The following ADGRL3 variants were observed in gnomAD, a reference collection of about 807,000 sequenced individuals.
The protein encoded by ADGRL3 is adhesion G protein-coupled receptor L3.
A neutral mutation model predicts 153.5 loss-of-function variants in ADGRL3; 62 were observed. The observed-to-expected ratio is 0.40, with a 90% CI of 0.33 to 0.50. The LOEUF is 0.50. Among genes scored for constraint, ADGRL3 ranks in the 20% least tolerant of loss-of-function variants. ADGRL3 has a pLI of 0.47. For synonymous variants in ADGRL3, 710 were observed against 672.5 expected (o/e 1.06, Z -0.86); for missense variants, 1,641 against 1,859.4 (o/e 0.88, Z 2.16).
chr4:61,587,236 G>A lies in ADGRL3; in HGVS notation c.269G>A (p.Arg90His), dbSNP rs772186652. ...CTCTTCCTTTTGGCAGCTTTCAGCC[G>A]TGCCCCAATTCCAATGGCTGTGGTC... ...GAQIAAQAFS[R>H]APIPMAVVRR... The change falls in exon 5 of 27, where the codon CGT (arginine) becomes CAT (histidine). Residue 90 changes from arginine (R) to histidine (H), a missense_variant. Transcript: ENST00000683033. The A allele has an allele frequency of 2.7e-5, 44 of 1,603,632 alleles. No individual in the cohort carries two copies. Among genetic ancestry groups the A allele is most frequent in the African/African-American group, 4.0e-5 (3 of 74,646 alleles).
Position 61,676,948 on chromosome 4 carries a change from C to G in ADGRL3, c.583+13C>G. On this transcript the variant is annotated intron_variant, in intron 6 of 26. Transcript: ENST00000683033. ...TGTGTCCCTTACAGTATGTATATTC[C>G]TATACTTTTCTTGGCAAGAGAAAAG... 6.6e-7 allele frequency: 1 copy of G among 1,505,400 alleles called. No homozygotes were observed. The highest frequency in any genetic ancestry group is 2.3e-5 in the East Asian group (1 of 44,286). 93.3% of individuals were successfully genotyped at this position (1,505,400 alleles called of 1,614,324 possible).
At chr4:61,543,920 A>T (rs1393005834) in intron 4 of ADGRL3, among the ~76,000 whole-genome samples, 1 of 152,158 alleles carries the variant, frequency 6.6e-6, no homozygotes, top group African/African-American at 2.4e-5. Flanking sequence ...CATATACCAC[A>T]TTTTACCCAT....
intron 20 of ADGRL3, among the ~76,000 whole-genome samples, chr4:61,997,880 A>G (rs771401105): frequency 4.6e-5 from 7 of 152,184 alleles, no homozygotes; most frequent in Non-Finnish European, 1.5e-5. Context: ...TTTGACATGC[A>G]CTAGACTTTG....
At chr4:61,309,103 T>C (rs547821174) in intron 1 of ADGRL3, among the ~76,000 whole-genome samples, 1 of 152,290 alleles carries the variant, frequency 6.6e-6, no homozygotes, top group South Asian at 2.1e-4. Context: ...GTCATGAAAA[T>C]ATAAAGTTTT....
At chr4:61,793,891 G>C (rs1349331824) in intron 8 of ADGRL3, among the ~76,000 whole-genome samples, 1 of 151,954 alleles carries the variant, frequency 6.6e-6, no homozygotes, top group African/African-American at 2.4e-5. Context: ...CTATGAATGA[G>C]AATGTATTCA....
At chr4:61,456,421 AT>A (rs2097749675) in intron 2 of ADGRL3, among the ~76,000 whole-genome samples, 2 of 59,860 alleles carry the variant, frequency 3.3e-5, no homozygotes, top group Non-Finnish European at 7.9e-5. Context: ...ATATAGATAT[AT>A]CTATATCTAT....
chr4:61,702,399 C>T (rs2095783537), intron 6 of ADGRL3, among the ~76,000 whole-genome samples: 1 of 152,154 alleles, frequency 6.6e-6, no homozygotes, highest in African/African-American at 2.4e-5. Flanking sequence ...TTTTCAGTAG[C>T]TATACAACTT....
Position 61,597,200 on chromosome 4 carries a change from T to C in ADGRL3, c.473+9760T>C, listed in dbSNP as rs533677340. Among the ~76,000 whole-genome samples the C allele has an allele frequency of 1.4e-4, 22 of 152,214 alleles. No individual in the cohort carries two copies. In the East Asian group the frequency reaches 2.7e-3, roughly 19 times the overall value. The stretch of plus-strand genomic sequence containing the variant: ...GAGCTGTTTCTTGGACTCGTTCGTG[T>C]ATTGAGAAAGTAATGCTTGGCAAAG... On this transcript the variant is annotated intron_variant, in intron 5 of 26. Coordinates refer to ENST00000683033, the MANE Select transcript of ADGRL3 (RefSeq NM_001387552.1).
At chr4:61,821,242 A>G (rs1351616099) in intron 9 of ADGRL3, among the ~76,000 whole-genome samples, 5 of 151,478 alleles carry the variant, frequency 3.3e-5, no homozygotes, top group African/African-American at 1.2e-4. Context: ...TCCTAATGCC[A>G]TACTAATGAT....
intron 5 of ADGRL3, 65 bp downstream of exon 5, chr4:61,587,505 C>A: frequency 2.6e-6 from 3 of 1,152,662 alleles, no homozygotes; most frequent in Non-Finnish European, 3.8e-6. Context: ...ATCTGTGTTA[C>A]ATGTTAAGCA....
intron 6 of ADGRL3, chr4:61,677,215 G>T (rs1253493043): frequency 8.9e-6 from 3 of 336,268 alleles, no homozygotes; most frequent in Non-Finnish European, 1.7e-5. Flanking sequence ...TTTAGAAAAA[G>T]GTTGGGGGAG....
chr4:61,949,523 C>T (rs937328532), intron 17 of ADGRL3, among the ~76,000 whole-genome samples: 4 of 151,840 alleles, frequency 2.6e-5, no homozygotes, highest in African/African-American at 7.3e-5. Context: ...CATGGCAAAA[C>T]CCCTCTCTAC....
chr4:61,351,858 T>C (rs1254640480), intron 1 of ADGRL3, among the ~76,000 whole-genome samples: 3 of 152,212 alleles, frequency 2.0e-5, no homozygotes, highest in Non-Finnish European at 2.9e-5. Context: ...TCATCTTGTT[T>C]TTATGCTTGC....
intron 6 of ADGRL3, among the ~76,000 whole-genome samples, chr4:61,704,651 T>A (rs1270404631): frequency 6.6e-6 from 1 of 152,190 alleles, no homozygotes; most frequent in Non-Finnish European, 1.5e-5. Context: ...TCACAAAGAA[T>A]TCCTCTGTAT....
chr4:61,863,713 G>T (rs1054812237), intron 9 of ADGRL3, among the ~76,000 whole-genome samples: 7 of 152,124 alleles, frequency 4.6e-5, no homozygotes, highest in African/African-American at 1.7e-4. Context: ...AGGAATTTAG[G>T]CATTTTGTAA....
At chr4:61,857,019 T>TCCTC (rs2098281334) in intron 9 of ADGRL3, among the ~76,000 whole-genome samples, 1 of 145,418 alleles carries the variant, frequency 6.9e-6, no homozygotes, top group East Asian at 2.1e-4. Flanking sequence ...TTTCTTTCCT[T>TCCTC]CCTCCCTTCC....
At chr4:61,620,060 AAT>A (rs111660681) in intron 5 of ADGRL3, among the ~76,000 whole-genome samples, 10,413 of 147,702 alleles carry the variant, frequency 0.071, 697 homozygotes, top group East Asian at 0.18. Flanking sequence ...TATCTTTAGA[AAT>A]ATATATATAT....
At chr4:61,248,864 T>C (rs1044554951) in intron 1 of ADGRL3, among the ~76,000 whole-genome samples, 1 of 152,284 alleles carries the variant, frequency 6.6e-6, no homozygotes, top group African/African-American at 2.4e-5. Context: ...AGCTTGTTTA[T>C]CGAGCTACAC....
At chr4:61,392,676 C>T (rs1481250602) in intron 2 of ADGRL3, among the ~76,000 whole-genome samples, 1 of 8,254 alleles carries the variant, frequency 1.2e-4, no homozygotes, top group Non-Finnish European at 2.3e-3. Context: ...CAGAGCGAGA[C>T]TCCATCTCAA....
Sources: allele counts gnomAD v4.1 joint callset (sites outside exome capture counted in the v4.1 genomes callset), GRCh38; gene constraint gnomAD v4.1.1; transcripts MANE v1.5; gene names NCBI Gene and HGNC (gene_info 2026-07-23, HGNC 2026-07-21).